Variants in TSHR observed in about 807,000 individuals in gnomAD.
TSHR encodes the protein thyrotropin receptor.
Under a neutral mutation model 64.1 loss-of-function variants are expected in TSHR, and 51 were observed. The ratio of observed to expected loss-of-function variants is 0.80; its 90% confidence interval spans 0.64 to 1.01. TSHR has a LOEUF of 1.01. Among genes scored for constraint, TSHR ranks in the 50% least tolerant of loss-of-function variants. The pLI is 0.00. For synonymous variants in TSHR, 361 were observed against 361.9 expected (o/e 1.00, Z 0.03); for missense variants, 877 against 942.8 (o/e 0.93, Z 0.91).
At chr14:81,134,252 C>A (rs1194548213) in intron 8 of TSHR, among the ~76,000 whole-genome samples, 1 of 152,140 alleles carries the variant, frequency 6.6e-6, no homozygotes, top group Non-Finnish European at 1.5e-5. Context: ...TTTCTCCTGC[C>A]TCAGCCTCCC....
At chr14:80,990,882 T>C (rs547632454) in intron 1 of TSHR, among the ~76,000 whole-genome samples, 2 of 152,286 alleles carry the variant, frequency 1.3e-5, no homozygotes, top group African/African-American at 2.4e-5. Context: ...CTCGAACTCC[T>C]GACCTCAGGT....
chr14:81,015,491 T>A (rs1195751440), intron 1 of TSHR, among the ~76,000 whole-genome samples: 1 of 152,162 alleles, frequency 6.6e-6, no homozygotes, highest in Non-Finnish European at 1.5e-5. Context: ...CTTCAAAAAA[T>A]TTTTAATTTT....
intron 8 of TSHR, among the ~76,000 whole-genome samples, chr14:81,126,602 G>T (rs149453275): frequency 1.3e-5 from 2 of 152,260 alleles, no homozygotes; most frequent in African/African-American, 4.8e-5. Context: ...GAACATAAAA[G>T]AATTTTTGCT....
intron 4 of TSHR, among the ~76,000 whole-genome samples, chr14:81,090,733 A>G (rs950620410): frequency 2.0e-5 from 3 of 152,220 alleles, no homozygotes; most frequent in South Asian, 2.1e-4. Context: ...ATTTTTTCCA[A>G]TTAAACGAGA....
intron 6 of TSHR, 137 bp downstream of exon 6, chr14:81,092,745 A>G: frequency 1.2e-6 from 1 of 812,918 alleles, no homozygotes; most frequent in East Asian, 2.7e-5. Context: ...ACACAATTAA[A>G]TAATAGTATT....
At chr14:81,104,654 T>C (rs1358353382) in intron 7 of TSHR, 2 of 985,412 alleles carry the variant, frequency 2.0e-6, no homozygotes, top group Non-Finnish European at 2.4e-6. Flanking sequence ...TAAACACACA[T>C]ATAGTACACA....
In TSHR at chr14:81,143,042, G is replaced by T. The variant is rs1231925448; in HGVS notation, c.984G>T (p.Glu328Asp). Residue 328 changes from glutamate (E) to aspartate (D), a missense_variant, in exon 10 of 10, where the codon GAG (glutamate) becomes GAT (aspartate). Physicochemically the swap from Glu to Asp is conservative, Grantham distance 45 (BLOSUM62 2). Coordinates refer to ENST00000298171, the MANE Select transcript of TSHR (RefSeq NM_000369.5). ...GCCCCCTCCACCAGGAATATGAAGA[G>T]AATCTGGGTGACAGCATTGTTGGGT... ...LNSPLHQEYE[E>D]NLGDSIVGYK... 7 of 1,614,190 alleles carry T rather than the reference G, an allele frequency of 4.3e-6. No homozygotes were observed. In the South Asian group the frequency reaches 7.7e-5, roughly 18 times the overall value.
chr14:80,987,459 A>G (rs774802121), intron 1 of TSHR, among the ~76,000 whole-genome samples: 1 of 152,232 alleles, frequency 6.6e-6, no homozygotes, highest in Non-Finnish European at 1.5e-5. Context: ...AGCATTAATT[A>G]TGTTTTAGGC....
chr14:81,014,439 T>C (rs931715401), intron 1 of TSHR: 10 of 152,152 alleles, frequency 6.6e-5, no homozygotes, highest in Admixed American at 2.6e-4. Context: ...TGAGATAATA[T>C]ATGCAAACAG....
At chr14:81,078,887 G>A (rs1456244545) in intron 3 of TSHR, 1 of 152,130 alleles carries the variant, frequency 6.6e-6, no homozygotes, top group East Asian at 1.9e-4. Flanking sequence ...GCTACAGAGA[G>A]CAGAAAATCA....
Position 81,143,432 on chromosome 14 carries a change from T to C in TSHR, c.1374T>C (p.Phe458=). The change falls in exon 10 of 10, where the codon TTT becomes TTC. Residue 458 remains phenylalanine, a synonymous_variant. Coordinates refer to ENST00000298171, the MANE Select transcript of TSHR (RefSeq NM_000369.5). ...VPRFLMCNLA[F]ADFCMGMYLL... ...GCTTTCTCATGTGCAACCTGGCCTT[T>C]GCGGATTTCTGCATGGGGATGTACC... 6.2e-7 allele frequency: 1 copy of C among 1,614,200 alleles called. No homozygotes were observed.
intron 7 of TSHR, chr14:81,104,209 A>G (rs903495158): frequency 1.0e-6 from 1 of 985,332 alleles, no homozygotes; most frequent in Admixed American, 6.2e-5. Flanking sequence ...AAGGATTTCC[A>G]TAGAGCAATC....
At chr14:81,078,867 C>G (rs912945009) in intron 3 of TSHR, 2 of 152,192 alleles carry the variant, frequency 1.3e-5, no homozygotes, top group African/African-American at 4.8e-5. Flanking sequence ...ACCCAGTGAT[C>G]CTGGTGGAGG....
intron 1 of TSHR, among the ~76,000 whole-genome samples, chr14:81,058,303 T>A (rs961602531): frequency 6.6e-6 from 1 of 152,232 alleles, no homozygotes; most frequent in African/African-American, 2.4e-5. Context: ...GAAACATTTG[T>A]CATACCTCCA....
chr14:81,005,197 TTGTGTGTGTGTGTGTGTGTGTG>T (rs71103894), intron 1 of TSHR, among the ~76,000 whole-genome samples: 17,693 of 149,844 alleles, frequency 0.12, 1,268 homozygotes, highest in East Asian at 0.31. Flanking sequence ...ACTCAAGCCT[TTGTGTGTGTGTGTGTGTGTGTG>T]TGTGTGTGTG....
At chr14:81,106,232 G>A (rs1889885005) in intron 7 of TSHR, among the ~76,000 whole-genome samples, 1 of 152,162 alleles carries the variant, frequency 6.6e-6, no homozygotes, top group Non-Finnish European at 1.5e-5. Context: ...TACCCTTGAG[G>A]TGTTTGTAAA....
chr14:81,105,115 A>G (rs2140020882), intron 7 of TSHR: 1 of 985,358 alleles, frequency 1.0e-6, no homozygotes, highest in Non-Finnish European at 1.2e-6. Context: ...ATCATTTTCT[A>G]GAGTAGGTTA....
chr14:80,992,809 A>G (rs112958355), intron 1 of TSHR: 3 of 152,328 alleles, frequency 2.0e-5, no homozygotes, highest in African/African-American at 7.2e-5. Flanking sequence ...CATGGTAAAA[A>G]CATCTGGGAG....
Position 81,035,933 on chromosome 14 carries a change from C to A in TSHR, c.171-26215C>A, listed in dbSNP as rs12323790. The stretch of plus-strand genomic sequence containing the variant: ...AAATTTTGGAGCTGAAAAATTTAAC[C>A]AATAAAATGAAGAAATACAATTCAG... On this transcript the variant is annotated intron_variant, in intron 1 of 9. Transcript: ENST00000298171. Among the ~76,000 whole-genome samples, 19 of 151,710 alleles carry A rather than the reference C, an allele frequency of 1.3e-4. No individual in the cohort carries two copies. The East Asian group carries it at 2.5e-3, about 20-fold the overall frequency.
Sources: gnomAD v4.1 joint callset for allele counts (sites outside exome capture counted in the v4.1 genomes callset) on GRCh38, gnomAD v4.1.1 for gene constraint, MANE v1.5 for transcripts, NCBI Gene and HGNC (gene_info 2026-07-23, HGNC 2026-07-21) for gene names.